The following CBLIF variants were observed in gnomAD, a reference collection of about 807,000 sequenced individuals.
The protein encoded by CBLIF is gastric intrinsic factor (vitamin B synthesis).
CBLIF carries 24 observed loss-of-function variants against 44.9 expected under a neutral mutation model. That is an observed-to-expected ratio of 0.53 (90% CI 0.39 to 0.75). The LOEUF is 0.75. CBLIF is among the 30% of genes least tolerant of loss of function. The probability of loss-of-function intolerance (pLI) is 0.00; values close to 1 mark genes in which losing one functional copy is unlikely to be tolerated. For synonymous variants in CBLIF, 183 were observed against 190.9 expected, an observed-to-expected ratio of 0.96 and a Z score of 0.34; for missense variants, 481 against 513.0, an observed-to-expected ratio of 0.94 and a Z score of 0.60.
intron 8 of CBLIF, among the ~76,000 whole-genome samples, chr11:59,829,991 T>C (rs1056635354): frequency 2.6e-5 from 4 of 152,152 alleles, no homozygotes; most frequent in Non-Finnish European, 5.9e-5. Context: ...CCTGTTCATT[T>C]TTGAAGATTT....
At chr11:59,834,549 C>G (rs534925969) in intron 7 of CBLIF, among the ~76,000 whole-genome samples, 2 of 151,496 alleles carry the variant, frequency 1.3e-5, no homozygotes, top group Non-Finnish European at 2.9e-5. Flanking sequence ...CGCACCACCA[C>G]GCCTGGCTAA....
At chr11:59,838,657 G>C (rs1021382526) in intron 5 of CBLIF, among the ~76,000 whole-genome samples, 1 of 152,088 alleles carries the variant, frequency 6.6e-6, no homozygotes, top group African/African-American at 2.4e-5. Flanking sequence ...CATCAGGTGG[G>C]TGCTCCTCAG....
At chr11:59,837,393 A>G (rs893413021) in intron 5 of CBLIF, 42 bp from the exon 6 acceptor site, 1 of 1,471,764 alleles carries the variant, frequency 6.8e-7, no homozygotes. Context: ...GTAATTAGGC[A>G]TAGCTGAGAG....
chr11:59,831,041 A>G (rs570580684), intron 8 of CBLIF, among the ~76,000 whole-genome samples: 8 of 152,246 alleles, frequency 5.3e-5, no homozygotes, highest in Non-Finnish European at 8.8e-5. Flanking sequence ...ATGTCTCTGC[A>G]TGGTGACAGT....
chr11:59,837,894 G>A (rs1866475506), intron 5 of CBLIF, among the ~76,000 whole-genome samples: 2 of 152,080 alleles, frequency 1.3e-5, no homozygotes, highest in South Asian at 4.2e-4. Context: ...ATCATTCCCC[G>A]ACATACAGAC....
Position 59,829,408 on chromosome 11 carries a change from A to G in CBLIF, c.*76T>C. The G allele has an allele frequency of 1.1e-6, 1 of 914,032 alleles. No individual in the cohort carries two copies. Among genetic ancestry groups the G allele is most frequent in the East Asian group, 2.4e-5 (1 of 41,524 alleles). 56.6% of individuals were successfully genotyped at this position (914,032 alleles called of 1,614,324 possible). A position where few individuals can be genotyped will look rare whatever the true frequency, so the allele number is the denominator to read the frequency against. On this transcript the variant is annotated 3_prime_UTR_variant, in exon 9 of 9. Coordinates refer to ENST00000257248, the MANE Select transcript of CBLIF (RefSeq NM_005142.3). ...GCATCACAGGCATTCGCTTTTTTGC[A>G]TAGATTTAAAATGAAGTGGAAAAAA...
chr11:59,838,848 C>CTTTTTTT (rs1217612334), intron 5 of CBLIF, among the ~76,000 whole-genome samples: 1 of 130,542 alleles, frequency 7.7e-6, no homozygotes. Context: ...TTCTTTCTTT[C>CTTTTTTT]TTTTTTTTTT....
rs984397191 is a variant in CBLIF at position 59,842,697 on chromosome 11, A to G, written c.371-114T>C. On this transcript the variant is annotated intron_variant, in intron 3 of 8. Coordinates refer to ENST00000257248, the MANE Select transcript of CBLIF (RefSeq NM_005142.3). ...GAAATTGCTAGAAAACCTGCCCCCA[A>G]AGAGAGACACAGCATAGGCAAAGAG... is the stretch of plus-strand genomic sequence containing the variant. The G allele has an allele frequency of 5.9e-6, 6 of 1,014,952 alleles. No individual in the cohort carries two copies. The African/African-American group carries it at 9.5e-5, about 16-fold the overall frequency. The allele number at this position is 1,014,952 out of a possible 1,614,324, so 62.9% of individuals were successfully genotyped here. A position where few individuals can be genotyped will look rare whatever the true frequency, so the allele number is the denominator to read the frequency against.
intron 6 of CBLIF, 142 bp from the exon 7 acceptor site, chr11:59,836,151 A>G: frequency 1.3e-6 from 1 of 749,604 alleles, no homozygotes; most frequent in Admixed American, 2.0e-5. Context: ...GTACTTGGAC[A>G]ACTAGCATAG....
chr11:59,842,878 T>G, intron 3 of CBLIF, 150 bp downstream of exon 3: 1 of 690,246 alleles, frequency 1.4e-6, no homozygotes, highest in Non-Finnish European at 2.6e-6. Context: ...ATCTTTCTGG[T>G]CTGGATTATC....
rs7124135 is a variant in CBLIF, at chr11:59,840,681, T to C, written c.693+462A>G. ...CTTTAGGTTATTTTCCTTAATCATT[T>C]TGAGTATAAACTTGCTATTTTTAGA... On this transcript the variant is annotated intron_variant, in intron 5 of 8. Transcript: ENST00000257248. Among the ~76,000 whole-genome samples, 683 of 152,258 alleles carry C rather than the reference T, an allele frequency of 4.5e-3. 8 individuals are homozygous for C. Among genetic ancestry groups the C allele is most frequent in the African/African-American group, 0.016 (655 of 41,550 alleles).
Position 59,835,912 on chromosome 11 carries a change from C to T in CBLIF, c.969G>A (p.Arg323=), listed in dbSNP as rs1242512598. ...TCTCGTTGAAGAGCAGCTCAACCCCCCTCAGCTGGTTATTTATGGTGTATA... is the reference window on the plus strand; with the variant it reads ...TCTCGTTGAAGAGCAGCTCAACCCCTCTCAGCTGGTTATTTATGGTGTATA... The part of the protein sequence containing the change: ...TVIYTINNQL[R]GVELLFNETI... The change falls in exon 7 of 9, where the codon AGG becomes AGA. Residue 323 remains arginine, a synonymous_variant. Transcript: ENST00000257248. The T allele has an allele frequency of 5.0e-6, 8 of 1,613,848 alleles. No individual in the cohort carries two copies. The Admixed American group carries it at 6.7e-5, about 13-fold the overall frequency.
At chr11:59,838,261 G>A (rs144082061) in intron 5 of CBLIF, among the ~76,000 whole-genome samples, 8 of 152,214 alleles carry the variant, frequency 5.3e-5, no homozygotes, top group East Asian at 3.9e-4. Context: ...ATTTTGCTGC[G>A]TTATCTATCG....
chr11:59,836,197 G>T (rs189369906), intron 6 of CBLIF, among the ~76,000 whole-genome samples, 188 bp from the exon 7 acceptor site: 5 of 152,312 alleles, frequency 3.3e-5, no homozygotes, highest in African/African-American at 9.6e-5. Context: ...CCTTGTTAAG[G>T]TTGGGACATC....
Position 59,837,150 on chromosome 11 carries a change from C to T in CBLIF, c.871+24G>A, listed in dbSNP as rs773699225. 41 of 1,585,096 alleles carry T rather than the reference C, an allele frequency of 2.6e-5. 1 individual carries two copies. The South Asian group carries it at 4.1e-4, about 16-fold the overall frequency. ...TCTGGCATAAGTTGCTGCTTTATGA[C>T]ATAAGGAGAGGTGGATGTCTTACCA... On this transcript the variant is annotated intron_variant, in intron 6 of 8. Transcript: ENST00000257248.
At chr11:59,834,338 T>TCCTTCCTTCC (rs1427109808) in intron 7 of CBLIF, among the ~76,000 whole-genome samples, 3 of 143,324 alleles carry the variant, frequency 2.1e-5, no homozygotes, top group African/African-American at 5.2e-5. Context: ...CTTCCTTCCT[T>TCCTTCCTTCC]TTTCTTTCTT....
Position 59,835,914 on chromosome 11 carries a change from T to A in CBLIF, c.967A>T (p.Arg323Trp), listed in dbSNP as rs1271920214. 6.2e-7 allele frequency: 1 copy of A among 1,613,756 alleles called. No individual in the cohort carries two copies. Among genetic ancestry groups the A allele is most frequent in the Non-Finnish European group, 8.5e-7 (1 of 1,179,852 alleles). The change falls in exon 7 of 9, where the codon AGG (arginine) becomes TGG (tryptophan). Residue 323 changes from arginine to tryptophan, a missense_variant. By Grantham distance (101) the Arg-to-Trp change is moderately radical (BLOSUM62 -3). Coordinates refer to ENST00000257248, the MANE Select transcript of CBLIF (RefSeq NM_005142.3). ...TCGTTGAAGAGCAGCTCAACCCCCC[T>A]CAGCTGGTTATTTATGGTGTATATG... is the stretch of plus-strand genomic sequence containing the variant. ...TVIYTINNQLRGVELLFNETI... is the reference protein window; with the variant it reads ...TVIYTINNQLWGVELLFNETI...
intron 3 of CBLIF, 81 bp downstream of exon 3, chr11:59,842,947 C>G (rs1277681001): frequency 1.1e-6 from 1 of 884,816 alleles, no homozygotes; most frequent in Non-Finnish European, 1.9e-6. Flanking sequence ...CTCTCCACCC[C>G]CACCCTTTTC....
intron 8 of CBLIF, among the ~76,000 whole-genome samples, chr11:59,830,239 T>C (rs889215068): frequency 4.0e-5 from 6 of 148,940 alleles, no homozygotes; most frequent in African/African-American, 9.9e-5. Context: ...CTTTCTTTTT[T>C]TTTTTTTTTT....
Sources: gnomAD v4.1 joint callset for allele counts (sites outside exome capture counted in the v4.1 genomes callset) on GRCh38, gnomAD v4.1.1 for gene constraint, MANE v1.5 for transcripts, NCBI Gene and HGNC (gene_info 2026-07-23, HGNC 2026-07-21) for gene names.